Variants in PTPRD observed in about 807,000 individuals in gnomAD.
PTPRD encodes protein tyrosine phosphatase receptor type D.
A neutral mutation model predicts 214.5 loss-of-function variants in PTPRD; 34 were observed. The ratio of observed to expected loss-of-function variants is 0.16; its 90% CI spans 0.12 to 0.21. PTPRD has a LOEUF of 0.21. PTPRD is among the 10% of genes least tolerant of loss of function. The pLI, the probability that PTPRD is intolerant of heterozygous loss-of-function variation, is 1.00. For synonymous variants in PTPRD, 1,128 were observed against 845.7 expected (o/e 1.33, Z -5.79); for missense variants, 2,545 against 2,398.7 (o/e 1.06, Z -1.27).
intron 11 of PTPRD, among the ~76,000 whole-genome samples, chr9:8,757,470 G>A: frequency 6.6e-6 from 1 of 151,676 alleles, no homozygotes. Context: ...ATACAGTTTG[G>A]GTGTAAGAAG....
intron 11 of PTPRD, among the ~76,000 whole-genome samples, chr9:9,001,778 C>G (rs2099419716): frequency 1.3e-5 from 2 of 152,038 alleles, no homozygotes; most frequent in Admixed American, 6.6e-5. Context: ...ACTTTTAACT[C>G]TCTGATTTCT....
chr9:9,598,567 T>C (rs1265397966), intron 7 of PTPRD, among the ~76,000 whole-genome samples: 1 of 152,082 alleles, frequency 6.6e-6, no homozygotes, highest in Non-Finnish European at 1.5e-5. Flanking sequence ...GCAACTACTA[T>C]AGACCTACTA....
intron 10 of PTPRD, among the ~76,000 whole-genome samples, chr9:9,146,233 C>G (rs1004572687): frequency 4.6e-5 from 7 of 151,976 alleles, no homozygotes; most frequent in Non-Finnish European, 7.4e-5. Context: ...CACTGCTGTG[C>G]ATGGCTAAAA....
intron 8 of PTPRD, among the ~76,000 whole-genome samples, chr9:9,434,444 G>A (rs1033656133): frequency 4.7e-4 from 71 of 152,278 alleles, no homozygotes; most frequent in African/African-American, 1.7e-3. Flanking sequence ...GCTGCCCAAA[G>A]TGATCTACAG....
intron 10 of PTPRD, among the ~76,000 whole-genome samples, chr9:9,031,977 A>G (rs1889817): frequency 0.33 from 50,009 of 151,526 alleles, 9,285 homozygotes; most frequent in Non-Finnish European, 0.43. Context: ...ATAATCACAT[A>G]TTTTTCATGT....
intron 3 of PTPRD, among the ~76,000 whole-genome samples, chr9:10,090,244 CT>C (rs1180587009): frequency 6.6e-6 from 1 of 151,594 alleles, no homozygotes; most frequent in Non-Finnish European, 1.5e-5. Context: ...CTAAATTTGA[CT>C]GACTTATGAT....
chr9:10,147,164 A>G (rs1023241157), intron 3 of PTPRD, among the ~76,000 whole-genome samples: 11 of 152,158 alleles, frequency 7.2e-5, no homozygotes, highest in African/African-American at 2.7e-4. Context: ...TCCCTCTGAC[A>G]TGTTGTCCGT....
intron 34 of PTPRD, among the ~76,000 whole-genome samples, chr9:8,440,443 G>GC (rs2095510373): frequency 1.3e-5 from 2 of 151,942 alleles, no homozygotes; most frequent in Admixed American, 6.6e-5. Context: ...AGCCTCCTGA[G>GC]CAGCGGGATT....
At chr9:9,731,715 A>G (rs59238000) in intron 7 of PTPRD, among the ~76,000 whole-genome samples, 1 of 152,326 alleles carries the variant, frequency 6.6e-6, no homozygotes, top group East Asian at 1.9e-4. Context: ...AAGGACAAAA[A>G]ACCGAACACC....
intron 2 of PTPRD, among the ~76,000 whole-genome samples, chr9:10,588,861 T>C (rs2074651901): frequency 6.6e-6 from 1 of 152,108 alleles, no homozygotes; most frequent in Admixed American, 6.6e-5. Context: ...TGCTTTATTT[T>C]ATTTTCTCCT....
intron 10 of PTPRD, among the ~76,000 whole-genome samples, chr9:9,057,879 A>G (rs916390422): frequency 2.0e-5 from 3 of 152,196 alleles, no homozygotes; most frequent in African/African-American, 7.2e-5. Flanking sequence ...TTATAATATT[A>G]GCACAAGACA....
chr9:8,791,091 G>A (rs185674897), intron 11 of PTPRD, among the ~76,000 whole-genome samples: 1 of 152,272 alleles, frequency 6.6e-6, no homozygotes, highest in East Asian at 1.9e-4. Flanking sequence ...TCTATGGAGA[G>A]AGTGAACTAA....
intron 12 of PTPRD, among the ~76,000 whole-genome samples, chr9:8,712,365 A>C (rs10758988): frequency 0.64 from 96,719 of 152,036 alleles, 31,820 homozygotes; most frequent in Non-Finnish European, 0.73. Context: ...TGTGTCTTTA[A>C]TAATGAACAA....
chr9:8,758,732 G>T (rs2094195500), intron 11 of PTPRD, among the ~76,000 whole-genome samples: 1 of 151,812 alleles, frequency 6.6e-6, no homozygotes, highest in Non-Finnish European at 1.5e-5. Context: ...TGTTTGAGAG[G>T]AGGAAAGAAC....
chr9:10,026,672 C>A (rs1344325535), intron 4 of PTPRD, among the ~76,000 whole-genome samples: 2 of 152,096 alleles, frequency 1.3e-5, no homozygotes, highest in African/African-American at 2.4e-5. Flanking sequence ...TAATTGTAAA[C>A]AGCAAAATCT....
intron 8 of PTPRD, among the ~76,000 whole-genome samples, chr9:9,456,453 T>G (rs938114320): frequency 2.0e-5 from 3 of 151,898 alleles, no homozygotes; most frequent in African/African-American, 7.2e-5. Flanking sequence ...AATGTCAGTC[T>G]TATTTTCTCC....
intron 10 of PTPRD, among the ~76,000 whole-genome samples, chr9:9,083,382 T>C (rs976299698): frequency 9.9e-5 from 15 of 151,992 alleles, no homozygotes; most frequent in Admixed American, 7.9e-4. Context: ...CTCTTCTTTA[T>C]ACCTAATACA....
At chr9:10,268,969 C>T (rs1486678534) in intron 3 of PTPRD, among the ~76,000 whole-genome samples, 1 of 151,940 alleles carries the variant, frequency 6.6e-6, no homozygotes, top group East Asian at 1.9e-4. Context: ...CATCGAATGT[C>T]AGTAGCGCCC....
intron 10 of PTPRD, among the ~76,000 whole-genome samples, chr9:9,118,859 A>C (rs2099814822): frequency 6.6e-6 from 1 of 152,198 alleles, no homozygotes; most frequent in Admixed American, 6.5e-5. Context: ...TTTTAACAGA[A>C]TAGAAACCCA....
Sources: allele counts gnomAD v4.1 joint callset (sites outside exome capture counted in the v4.1 genomes callset), GRCh38; gene constraint gnomAD v4.1.1; transcripts MANE v1.5; gene names NCBI Gene and HGNC (gene_info 2026-07-23, HGNC 2026-07-21).